Variants in EXOC3 observed in about 807,000 individuals in gnomAD.
The protein encoded by EXOC3 is SEC6-like 1.
Under a neutral mutation model 73.7 loss-of-function variants are expected in EXOC3, and 21 were observed. The observed-to-expected ratio is 0.29, with a 90% CI of 0.20 to 0.41. EXOC3 has a LOEUF of 0.41. Ranked by LOEUF, EXOC3 falls within the 10% of genes least tolerant of loss-of-function variation. EXOC3 has a pLI of 1.00. For missense variants in EXOC3, 842 were observed against 985.1 expected (o/e 0.85, Z 1.95); for synonymous variants, 410 against 389.1 (o/e 1.05, Z -0.63).
chr5:458,938 T>C (rs1179256562), intron 6 of EXOC3, among the ~76,000 whole-genome samples: 1 of 152,206 alleles, frequency 6.6e-6, no homozygotes, highest in Non-Finnish European at 1.5e-5. Context: ...TCTGCCTGGG[T>C]CAGCTCCTGG....
chr5:443,499 T>TC (rs1227801709), intron 1 of EXOC3, among the ~76,000 whole-genome samples: 16 of 151,432 alleles, frequency 1.1e-4, no homozygotes, highest in Non-Finnish European at 1.9e-4. Flanking sequence ...GGCACATGTG[T>TC]CCCCCCCAGG....
intron 9 of EXOC3, chr5:462,589 G>C: frequency 2.4e-6 from 1 of 412,012 alleles, no homozygotes; most frequent in Non-Finnish European, 4.4e-6. Context: ...GATATGTAGG[G>C]ACCTGTCAAA....
intron 10 of EXOC3, chr5:464,853 T>C (rs1433189874): frequency 1.8e-6 from 1 of 544,564 alleles, no homozygotes; most frequent in Non-Finnish European, 3.3e-6. Flanking sequence ...CGAGTGCTCA[T>C]GCGCGGCACT....
intron 9 of EXOC3, chr5:462,650 C>A (rs538444905): frequency 4.1e-6 from 1 of 242,098 alleles, no homozygotes; most frequent in South Asian, 1.1e-4. Flanking sequence ...AGATCAGTTT[C>A]GCTTTTGAAT....
chr5:450,145 C>A (rs1400707499), intron 3 of EXOC3, among the ~76,000 whole-genome samples: 2 of 152,162 alleles, frequency 1.3e-5, no homozygotes, highest in East Asian at 3.9e-4. Context: ...ACTCAGGAGG[C>A]TGAGGCAGGA....
At chr5:465,393 C>G (rs1560941379) in intron 11 of EXOC3, 121 bp downstream of exon 11, 1 of 1,183,520 alleles carries the variant, frequency 8.4e-7, no homozygotes, top group Non-Finnish European at 1.2e-6. Context: ...GCGGGGGGAG[C>G]CTGGGTCCAG....
Position 456,891 on chromosome 5 carries a change from C to T in EXOC3, c.1049C>T (p.Thr350Ile), listed in dbSNP as rs373919148. 488 of 1,612,276 alleles carry T rather than the reference C, an allele frequency of 3.0e-4. No homozygotes were observed. Among genetic ancestry groups the T allele is most frequent in the Non-Finnish European group, 4.0e-4 (475 of 1,178,436 alleles). ...LTWVLNTYTS[T>I]EMMRNVELAP... ...TCACATTCCTGGTTCCCCCATAGTA[C>T]TGAGATGATGAGGAACGTGGAGCTG... The change falls in exon 5 of 13, where the codon ACT (threonine) becomes ATT (isoleucine). Residue 350 changes from threonine (T) to isoleucine (I), a missense_variant and splice_region_variant. Thr to Ile is a moderately conservative substitution (Grantham distance 89). Coordinates refer to ENST00000512944, the MANE Select transcript of EXOC3 (RefSeq NM_007277.5).
rs373527336 is a variant in EXOC3 at position 459,411 on chromosome 5, C to G, written c.1343C>G (p.Thr448Arg). Residue 448 changes from threonine (T) to arginine (R), a missense_variant, in exon 7 of 13, where the codon ACA becomes AGA. By Grantham distance (71) the Thr-to-Arg change is moderately conservative. Coordinates refer to ENST00000512944, the MANE Select transcript of EXOC3 (RefSeq NM_007277.5). ...GCTCAGATAAGTGAAGATTTGAAAA[C>G]AAAGGTACTAGTTTTATGTCTTCAG... ...VAAQISEDLK[T>R]KVLVLCLQQM... 36 of 1,575,362 alleles carry G rather than the reference C, an allele frequency of 2.3e-5. No individual in the cohort carries two copies. The highest frequency in any genetic ancestry group is 1.9e-4 in the African/African-American group (14 of 74,396).
At chr5:462,818 C>T (rs918204354) in intron 9 of EXOC3, among the ~76,000 whole-genome samples, 3 of 152,124 alleles carry the variant, frequency 2.0e-5, no homozygotes, top group African/African-American at 7.2e-5. Context: ...AAAATAAGAC[C>T]TTGTAGGCCG....
At chr5:464,940 A>C in intron 10 of EXOC3, 171 bp from the exon 11 acceptor site, 2 of 696,122 alleles carry the variant, frequency 2.9e-6, no homozygotes, top group Non-Finnish European at 4.7e-6. Flanking sequence ...CTGTTCCCCC[A>C]CTGAGCCCCC....
Position 464,282 on chromosome 5 carries a change from C to T in EXOC3, c.1654-8C>T. On this transcript the variant is annotated splice_polypyrimidine_tract_variant and splice_region_variant and intron_variant, in intron 9 of 12. Transcript: ENST00000512944. ...TGATGATTTCTATGATCTGTTTCTG[C>T]TTTTCAGCAACATCTGAATGAATTG... 1 of 1,612,644 alleles carries T rather than the reference C, an allele frequency of 6.2e-7. No homozygotes were observed. Among genetic ancestry groups the T allele is most frequent in the Non-Finnish European group, 8.5e-7 (1 of 1,178,980 alleles).
chr5:445,538 T>G (rs1163883621), intron 1 of EXOC3, among the ~76,000 whole-genome samples: 2 of 152,124 alleles, frequency 1.3e-5, no homozygotes, highest in African/African-American at 4.8e-5. Flanking sequence ...GTATTTTTAG[T>G]AGATACAGGG....
At chr5:462,126 G>A (rs776670266) in intron 8 of EXOC3, 31 bp from the exon 9 acceptor site, 15 of 1,611,976 alleles carry the variant, frequency 9.3e-6, no homozygotes, top group South Asian at 7.7e-5. Flanking sequence ...CTGCCCAGCC[G>A]CTGTGTTGAA....
rs544821825 is a variant in EXOC3, at chr5:456,898, G to A, written c.1056G>A (p.Met352Ile). ...CCTGGTTCCCCCATAGTACTGAGAT[G>A]ATGAGGAACGTGGAGCTGGCCCCGG... ...WVLNTYTSTE[M>I]MRNVELAPEV... The change falls in exon 5 of 13, where the codon ATG becomes ATA. Residue 352 changes from methionine (M) to isoleucine (I), a missense_variant. By Grantham distance (10) the Met-to-Ile change is conservative. Coordinates refer to ENST00000512944, the MANE Select transcript of EXOC3 (RefSeq NM_007277.5). The A allele has an allele frequency of 6.2e-7, 1 of 1,613,382 alleles. No individual in the cohort carries two copies. The highest frequency in any genetic ancestry group is 1.3e-5 in the African/African-American group (1 of 75,046).
At chr5:445,610 TG>T (rs1737484846) in intron 1 of EXOC3, among the ~76,000 whole-genome samples, 2 of 152,192 alleles carry the variant, frequency 1.3e-5, no homozygotes, top group South Asian at 4.1e-4. Flanking sequence ...CGCCTCGGCC[TG>T]CCAAAGTGCT....
intron 4 of EXOC3, 131 bp from the exon 5 acceptor site, chr5:456,758 G>T (rs747202829): frequency 1.1e-4 from 79 of 724,228 alleles, no homozygotes; most frequent in Admixed American, 1.7e-4. Flanking sequence ...CCTGAGCTGT[G>T]GGCCGGCTGT....
chr5:457,336 G>GC (rs1008285294), intron 5 of EXOC3: 1 of 357,528 alleles, frequency 2.8e-6, no homozygotes, highest in Admixed American at 4.1e-5. Context: ...ATGGTTGGGG[G>GC]GGTCCGTCAA....
In EXOC3 at chr5:455,721, A is replaced by C. The variant is rs183130457; in HGVS notation, c.1047-1168A>C. Among the ~76,000 whole-genome samples the C allele has an allele frequency of 1.5e-4, 23 of 152,334 alleles. 1 individual carries two copies. Among genetic ancestry groups the C allele is most frequent in the Admixed American group, 1.4e-3 (21 of 15,304 alleles). On this transcript the variant is annotated intron_variant, in intron 4 of 12. Coordinates refer to ENST00000512944, the MANE Select transcript of EXOC3 (RefSeq NM_007277.5). Reference sequence around the variant, plus strand: ...CGGCTTCACGCCATTCTCCTGCCTCAGCCTCCCGAGTACCTGGGACTACAG... The same window carrying C: ...CGGCTTCACGCCATTCTCCTGCCTCCGCCTCCCGAGTACCTGGGACTACAG...
intron 1 of EXOC3, among the ~76,000 whole-genome samples, chr5:445,589 C>T (rs898908995): frequency 2.0e-5 from 3 of 152,136 alleles, no homozygotes; most frequent in Non-Finnish European, 4.4e-5. Flanking sequence ...CTCCTGACCT[C>T]GTGATCCACC....
Sources: allele counts gnomAD v4.1 joint callset (sites outside exome capture counted in the v4.1 genomes callset), GRCh38; gene constraint gnomAD v4.1.1; transcripts MANE v1.5; gene names NCBI Gene and HGNC (gene_info 2026-07-23, HGNC 2026-07-21).